STUB1: variants seen among roughly 807,000 people sequenced by gnomAD.
STUB1 encodes the protein STIP1 homology and U-box containing protein 1.
In STUB1, 37 loss-of-function variants were observed where a neutral mutation model predicts 40.3. The ratio of observed to expected loss-of-function variants is 0.92; its 90% CI spans 0.71 to 1.21. STUB1 has a LOEUF of 1.21. Among genes scored for constraint, STUB1 ranks in the 50% most tolerant of loss-of-function variants. STUB1 has a pLI of 0.00. For synonymous variants in STUB1, 246 were observed against 171.9 expected, an observed-to-expected ratio of 1.43 and a Z score of -3.37; for missense variants, 460 against 421.9, an observed-to-expected ratio of 1.09 and a Z score of -0.79.
At chr16:681,703 G>T in intron 3 of STUB1, 90 bp from the exon 4 acceptor site, 1 of 1,552,388 alleles carries the variant, frequency 6.4e-7, no homozygotes, top group Non-Finnish European at 8.7e-7. Context: ...AGCAGGAAAT[G>T]TGGGGAAGTG....
At chr16:681,932 G>T in intron 4 of STUB1, 52 bp downstream of exon 4, 3 of 1,612,904 alleles carry the variant, frequency 1.9e-6, no homozygotes, top group Non-Finnish European at 2.5e-6. Flanking sequence ...ACGTGGCGTG[G>T]GAGCATCCCC....
Position 680,422 on chromosome 16 carries a change from G to C in STUB1, c.-104G>C. On this transcript the variant is annotated 5_prime_UTR_variant, in exon 1 of 7. Coordinates refer to ENST00000219548, the MANE Select transcript of STUB1 (RefSeq NM_005861.4). This position sits in a 1 kb window ranked among gnomAD's most constrained non-coding sequence, Gnocchi z 4.9. ...AAGTTCCGGCGGCGGAGCTGGGCCGGGCCCGAGCGGATCGCGGGCTCGGGC... is the reference window on the plus strand; with the variant it reads ...AAGTTCCGGCGGCGGAGCTGGGCCGCGCCCGAGCGGATCGCGGGCTCGGGC... 9.5e-7 allele frequency: 1 copy of C among 1,055,794 alleles called. No individual in the cohort carries two copies. Among genetic ancestry groups the C allele is most frequent in the Non-Finnish European group, 1.2e-6 (1 of 857,480 alleles). The allele number at this position is 1,055,794 out of a possible 1,614,324, so 65.4% of individuals were successfully genotyped here.
Position 681,347 on chromosome 16 carries a change from C to T in STUB1, c.355C>T (p.Arg119Ter). Residue 119 changes from arginine (R) to a stop codon, truncating the protein, a stop_gained, in exon 2 of 7, where the codon CGA becomes TGA. Coordinates refer to ENST00000219548, the MANE Select transcript of STUB1 (RefSeq NM_005861.4). LOFTEE classifies it high-confidence loss of function. ...TGATGAGGCCATCGCCAATCTGCAGCGAGGTTGGCTGACAAGCTGCCCGGT... is the reference window on the plus strand; with the variant it reads ...TGATGAGGCCATCGCCAATCTGCAGTGAGGTTGGCTGACAAGCTGCCCGGT... The part of the protein sequence containing the change: ...SYDEAIANLQ[R>*]AYSLAKEQRL... The T allele has an allele frequency of 6.2e-7, 1 of 1,612,670 alleles. No individual in the cohort carries two copies.
In STUB1 at chr16:680,715, C is replaced by CGGT; in HGVS notation, c.159+34_159+36dup. 9.5e-7 allele frequency: 1 copy of CGGT among 1,050,096 alleles called. No individual in the cohort carries two copies. Among genetic ancestry groups the CGGT allele is most frequent in the Non-Finnish European group, 1.1e-6 (1 of 870,154 alleles). The allele number at this position is 1,050,096 out of a possible 1,614,324, so 65.0% of individuals were successfully genotyped here. On this transcript the variant is annotated intron_variant, in intron 1 of 6. Coordinates refer to ENST00000219548, the MANE Select transcript of STUB1 (RefSeq NM_005861.4). The surrounding 1 kb of genome is among the most constrained non-coding windows in gnomAD (Gnocchi z 4.9). ...TGCGCCCGCGCGGGGAGGGCGGCGGCGGTGGCACCGGGGAGGGCCGGGCCC... is the reference window on the plus strand; with the variant it reads ...TGCGCCCGCGCGGGGAGGGCGGCGGCGGTGGTGGCACCGGGGAGGGCCGGGCCC...
chr16:682,703 G>A lies in STUB1; in HGVS notation c.*214G>A, dbSNP rs1043231271. On this transcript the variant is annotated 3_prime_UTR_variant, in exon 7 of 7. Coordinates refer to ENST00000219548, the MANE Select transcript of STUB1 (RefSeq NM_005861.4). ...AGCAGGTGAGGGTGGGCTGGGCTGA[G>A]GCCATTGCCGCCACTATCTGTGTAA... 5 of 1,487,354 alleles carry A rather than the reference G, an allele frequency of 3.4e-6. No individual in the cohort carries two copies. Among genetic ancestry groups the A allele is most frequent in the African/African-American group, 1.4e-5 (1 of 72,638 alleles). 92.1% of individuals were successfully genotyped at this position (1,487,354 alleles called of 1,614,324 possible). A position where few individuals can be genotyped will look rare whatever the true frequency, so the allele number is the denominator to read the frequency against.
chr16:681,383 C>CT (rs1443194929), intron 2 of STUB1, 33 bp downstream of exon 2: 1 of 1,611,450 alleles, frequency 6.2e-7, no homozygotes, highest in Non-Finnish European at 8.5e-7. Context: ...TGTGGGGCCT[C>CT]TGGGGCCAGG....
rs975026168 is a variant in STUB1 at position 682,625 on chromosome 16, C to T, written c.*136C>T. ...GCTGTTGGACTCTGGACTGTTTCCC[C>T]TCTCAGCATCGCTTTTGCTGGGCCG... On this transcript the variant is annotated 3_prime_UTR_variant, in exon 7 of 7. Transcript: ENST00000219548. 9 of 1,441,386 alleles carry T rather than the reference C, an allele frequency of 6.2e-6. No homozygotes were observed. The highest frequency in any genetic ancestry group is 1.4e-5 in the African/African-American group (1 of 71,862). 89.3% of individuals were successfully genotyped at this position (1,441,386 alleles called of 1,614,324 possible).
In STUB1 at chr16:682,494, C is replaced by T. The variant is rs145420490; in HGVS notation, c.*5C>T. On this transcript the variant is annotated 3_prime_UTR_variant, in exon 7 of 7. Coordinates refer to ENST00000219548, the MANE Select transcript of STUB1 (RefSeq NM_005861.4). ...GGCTGGGTGGAGGACTACTGAGGTT[C>T]CCTGCCCTACCTGGCGTCCTGGTCC... 5,374 of 1,613,126 alleles carry T rather than the reference C, an allele frequency of 3.3e-3. 14 individuals are homozygous for T. Among genetic ancestry groups the T allele is most frequent in the Non-Finnish European group, 3.7e-3 (4,410 of 1,179,966 alleles).
chr16:681,525 G>T lies in STUB1; in HGVS notation c.446G>T (p.Ser149Ile), dbSNP rs771799916. 6.2e-6 allele frequency: 10 copies of T among 1,612,282 alleles called. No individual in the cohort carries two copies. The highest frequency in any genetic ancestry group is 7.6e-6 in the Non-Finnish European group (9 of 1,179,940). The change falls in exon 3 of 7, where the codon AGC becomes ATC. Residue 149 changes from serine to isoleucine, a missense_variant. Ser to Ile is a moderately radical substitution (Grantham distance 142). Coordinates refer to ENST00000219548, the MANE Select transcript of STUB1 (RefSeq NM_005861.4). The part of the protein sequence containing the change: ...LRIAKKKRWN[S>I]IEERRIHQES... ...ATCGCGAAGAAGAAGCGCTGGAACA[G>T]CATTGAGGAGCGGCGCATCCACCAG...
Position 681,478 on chromosome 16 carries a change from C to A in STUB1, c.399C>A (p.Asp133Glu). 1 of 1,612,652 alleles carries A rather than the reference C, an allele frequency of 6.2e-7. No individual in the cohort carries two copies. The highest frequency in any genetic ancestry group is 8.5e-7 in the Non-Finnish European group (1 of 1,179,872). ...LAKEQRLNFGDDIPSALRIAK... is the reference protein window; with the variant it reads ...LAKEQRLNFGEDIPSALRIAK... ...AGGAGCAGCGGCTGAACTTCGGGGACGACATCCCCAGCGCTCTTCGAATCG... is the reference window on the plus strand; with the variant it reads ...AGGAGCAGCGGCTGAACTTCGGGGAAGACATCCCCAGCGCTCTTCGAATCG... The change falls in exon 3 of 7, where the codon GAC becomes GAA. Residue 133 changes from aspartate (D) to glutamate (E), a missense_variant. Physicochemically the swap from Asp to Glu is conservative, Grantham distance 45. Transcript: ENST00000219548.
Position 681,450 on chromosome 16 carries a change from C to T in STUB1, c.371C>T (p.Ala124Val). 6.2e-7 allele frequency: 1 copy of T among 1,612,126 alleles called. No homozygotes were observed. The highest frequency in any genetic ancestry group is 2.2e-5 in the East Asian group (1 of 44,864). ...CCCCGTTCCCCAGCTTACAGCCTGG[C>T]CAAGGAGCAGCGGCTGAACTTCGGG... The part of the protein sequence containing the change: ...IANLQRAYSL[A>V]KEQRLNFGDD... The change falls in exon 3 of 7, where the codon GCC becomes GTC. Residue 124 changes from alanine (A) to valine (V), a missense_variant. By Grantham distance (64) the Ala-to-Val change is moderately conservative (BLOSUM62 0). Coordinates refer to ENST00000219548, the MANE Select transcript of STUB1 (RefSeq NM_005861.4).
In STUB1 at chr16:680,877, T is replaced by C; in HGVS notation, c.159+193T>C. The C allele has an allele frequency of 9.4e-6, 4 of 425,464 alleles. No homozygotes were observed. The highest frequency in any genetic ancestry group is 1.5e-5 in the Non-Finnish European group (4 of 270,224). 26.4% of individuals were successfully genotyped at this position (425,464 alleles called of 1,614,324 possible). ...CGATGCTGGATGGAGGCCGGCCGGG[T>C]GGGGGGAGGGCAGGGGCCCTCGACC... On this transcript the variant is annotated intron_variant, in intron 1 of 6. Coordinates refer to ENST00000219548, the MANE Select transcript of STUB1 (RefSeq NM_005861.4). This position sits in a 1 kb window ranked among gnomAD's most constrained non-coding sequence, Gnocchi z 4.9.
In STUB1 at chr16:680,451, G is replaced by C; in HGVS notation, c.-75G>C. ...CGAGCGGATCGCGGGCTCGGGCTGC[G>C]GGGCTCCGGCTGCGGGCGCTGGGCC... On this transcript the variant is annotated 5_prime_UTR_variant, in exon 1 of 7. Transcript: ENST00000219548. The surrounding 1 kb of genome is among the most constrained non-coding windows in gnomAD (Gnocchi z 4.9). 1 of 1,149,892 alleles carries C rather than the reference G, an allele frequency of 8.7e-7. No homozygotes were observed. The highest frequency in any genetic ancestry group is 1.1e-6 in the Non-Finnish European group (1 of 932,600). The allele number at this position is 1,149,892 out of a possible 1,614,324, so 71.2% of individuals were successfully genotyped here. A position where few individuals can be genotyped will look rare whatever the true frequency, so the allele number is the denominator to read the frequency against.
chr16:681,694 G>A (rs1435203327), intron 3 of STUB1, 91 bp downstream of exon 3: 16 of 1,555,936 alleles, frequency 1.0e-5, no homozygotes, highest in Non-Finnish European at 1.3e-5. Context: ...TTACTGGCAA[G>A]CAGGAAATGT....
rs1005719910 is a variant in STUB1 at position 681,550 on chromosome 16, G to A, written c.471G>A (p.Gln157=). The A allele has an allele frequency of 6.2e-7, 1 of 1,611,784 alleles. No individual in the cohort carries two copies. The highest frequency in any genetic ancestry group is 2.2e-5 in the East Asian group (1 of 44,898). ...WNSIEERRIH[Q]ESELHSYLSR... ...GCATTGAGGAGCGGCGCATCCACCA[G>A]GAGAGCGAGCTGCACTCCTACCTCT... The change falls in exon 3 of 7, where the codon CAG becomes CAA. Residue 157 remains glutamine (Q), a synonymous_variant. Coordinates refer to ENST00000219548, the MANE Select transcript of STUB1 (RefSeq NM_005861.4).
At position 681,806 on chromosome 16, in the gene STUB1, T is replaced by C; in HGVS notation, c.538T>C (p.Cys180Arg). The C allele has an allele frequency of 6.2e-7, 1 of 1,600,530 alleles. No homozygotes were observed. The highest frequency in any genetic ancestry group is 8.5e-7 in the Non-Finnish European group (1 of 1,171,040). ...GTCAACCCCCAGGGAGCTGGAAGAG[T>C]GCCAGCGAAACCACGAGGGTGATGA... is the stretch of plus-strand genomic sequence containing the variant. ...AAERERELEECQRNHEGDEDD... is the reference protein window; with the variant it reads ...AAERERELEERQRNHEGDEDD... Residue 180 changes from cysteine to arginine, a missense_variant, in exon 4 of 7, where the codon TGC becomes CGC. Coordinates refer to ENST00000219548, the MANE Select transcript of STUB1 (RefSeq NM_005861.4).
chr16:680,618 GC>G lies in STUB1; in HGVS notation c.94del (p.Gln32ArgfsTer40). ...GCCCGAGCGCGCAGGAGCTCAAGGA[GC>G]AGGGCAATCGTCTGTTCGTGGGCCG... ...KSPSAQELKE[Q>X]GNRLFVGRKY... On this transcript the variant is annotated frameshift_variant, in exon 1 of 7. Coordinates refer to ENST00000219548, the MANE Select transcript of STUB1 (RefSeq NM_005861.4). LOFTEE classifies it high-confidence loss of function. The surrounding 1 kb of genome is among the most constrained non-coding windows in gnomAD (Gnocchi z 4.9). 7.1e-7 allele frequency: 1 copy of G among 1,405,404 alleles called. No individual in the cohort carries two copies. The highest frequency in any genetic ancestry group is 1.6e-5 in the South Asian group (1 of 63,062). The allele number at this position is 1,405,404 out of a possible 1,614,324, so 87.1% of individuals were successfully genotyped here. A position where few individuals can be genotyped will look rare whatever the true frequency, so the allele number is the denominator to read the frequency against.
In STUB1 at chr16:682,648, C is replaced by T. The variant is rs2039719741; in HGVS notation, c.*159C>T. The T allele has an allele frequency of 1.4e-6, 2 of 1,398,870 alleles. No homozygotes were observed. Among genetic ancestry groups the T allele is most frequent in the Non-Finnish European group, 9.8e-7 (1 of 1,020,842 alleles). The allele number at this position is 1,398,870 out of a possible 1,614,324, so 86.7% of individuals were successfully genotyped here. On this transcript the variant is annotated 3_prime_UTR_variant, in exon 7 of 7. Transcript: ENST00000219548. ...CCCTCTCAGCATCGCTTTTGCTGGG[C>T]CGTGATCGTCCCCCTTTGTGGGCTG...
In STUB1 at chr16:682,488, G is replaced by A. The variant is rs1423919844; in HGVS notation, c.911G>A (p.Ter304=). The A allele has an allele frequency of 6.2e-7, 1 of 1,613,116 alleles. No homozygotes were observed. The highest frequency in any genetic ancestry group is 8.5e-7 in the Non-Finnish European group (1 of 1,180,012). The part of the protein sequence containing the change: ...ISENGWVEDY[*] Reference sequence around the variant, plus strand: ...GAGAATGGCTGGGTGGAGGACTACTGAGGTTCCCTGCCCTACCTGGCGTCC... The same window carrying A: ...GAGAATGGCTGGGTGGAGGACTACTAAGGTTCCCTGCCCTACCTGGCGTCC... Residue 304 remains the stop codon, a stop_retained_variant, in exon 7 of 7, where the codon TGA becomes TAA. Transcript: ENST00000219548.
Sources: allele counts gnomAD v4.1 joint callset, GRCh38; gene constraint gnomAD v4.1.1; non-coding constraint Gnocchi (gnomAD v3.1); transcripts MANE v1.5; gene names NCBI Gene and HGNC (gene_info 2026-07-23, HGNC 2026-07-21).